UFL1: variants seen among roughly 807,000 people sequenced by gnomAD.
UFL1 encodes the protein UFM1 specific ligase 1.
In UFL1, 78 loss-of-function variants were observed where a neutral mutation model predicts 99.3. That is an observed-to-expected ratio of 0.79 (90% CI 0.65 to 0.95). The LOEUF (loss-of-function observed/expected upper bound fraction) is 0.95. Among genes scored for constraint, UFL1 ranks in the 40% least tolerant of loss-of-function variants. The probability of loss-of-function intolerance (pLI) is 0.00; values close to 1 mark genes in which losing one functional copy is unlikely to be tolerated. For missense variants in UFL1, 936 were observed against 937.0 expected, an observed-to-expected ratio of 1.00 and a Z score of 0.01; for synonymous variants, 335 against 322.2, an observed-to-expected ratio of 1.04 and a Z score of -0.42.
chr6:96,540,443 A>G (rs1351492736), intron 10 of UFL1, 92 bp from the exon 11 acceptor site: 2 of 1,442,852 alleles, frequency 1.4e-6, no homozygotes, highest in African/African-American at 2.9e-5. Context: ...CAACAAAACC[A>G]AACAAGAATA....
Position 96,542,995 on chromosome 6 carries a change from G to T in UFL1, c.1381G>T (p.Glu461Ter). ...AAGAAAAGATGATGATAGTGATGAT[G>T]AATCTCAATCATCCCACACTGGTAG... is the stretch of plus-strand genomic sequence containing the variant. ...KGRKDDDSDD[E>*]SQSSHTGKKK... The change falls in exon 12 of 19, where the codon GAA becomes TAA. Residue 461 changes from glutamate to a stop codon, truncating the protein, a stop_gained. Coordinates refer to ENST00000369278, the MANE Select transcript of UFL1 (RefSeq NM_015323.5). LOFTEE classifies it high-confidence loss of function. 6.3e-7 allele frequency: 1 copy of T among 1,596,828 alleles called. No individual in the cohort carries two copies. Among genetic ancestry groups the T allele is most frequent in the Non-Finnish European group, 8.5e-7 (1 of 1,171,094 alleles).
intron 6 of UFL1, among the ~76,000 whole-genome samples, chr6:96,533,721 A>C (rs1280696364): frequency 1.3e-5 from 2 of 151,634 alleles, no homozygotes; most frequent in Non-Finnish European, 3.0e-5. Flanking sequence ...CATGTAATTT[A>C]AATTATACCT....
chr6:96,548,566 A>G (rs924492843), intron 13 of UFL1, among the ~76,000 whole-genome samples: 37 of 151,616 alleles, frequency 2.4e-4, no homozygotes, highest in Admixed American at 6.6e-5. Flanking sequence ...TTGGGGAGAA[A>G]AAGACCGGCA....
chr6:96,545,622 A>AAACT (rs1176694368), intron 12 of UFL1, among the ~76,000 whole-genome samples: 5 of 151,120 alleles, frequency 3.3e-5, no homozygotes, highest in South Asian at 2.1e-4. Context: ...AAAGGAGGAA[A>AAACT]AACTGCCCGG....
chr6:96,526,991 A>G (rs1769713090), intron 5 of UFL1, among the ~76,000 whole-genome samples: 1 of 152,178 alleles, frequency 6.6e-6, no homozygotes, highest in African/African-American at 2.4e-5. Context: ...ATCCTCTTCT[A>G]AACAGTCAGT....
chr6:96,527,400 C>T (rs1769719600), intron 5 of UFL1, among the ~76,000 whole-genome samples: 1 of 152,020 alleles, frequency 6.6e-6, no homozygotes, highest in Admixed American at 6.5e-5. Context: ...TTTATATTTA[C>T]TGAAACAAGG....
At chr6:96,545,572 T>G (rs1769987399) in intron 12 of UFL1, among the ~76,000 whole-genome samples, 1 of 151,088 alleles carries the variant, frequency 6.6e-6, no homozygotes, top group South Asian at 2.1e-4. Context: ...TTATTTAGAT[T>G]ATAAGGATTA....
At chr6:96,541,272 A>G (rs1769927474) in intron 11 of UFL1, among the ~76,000 whole-genome samples, 1 of 151,416 alleles carries the variant, frequency 6.6e-6, no homozygotes, top group Non-Finnish European at 1.5e-5. Context: ...ACCACTTGAT[A>G]TATTTTAGGT....
chr6:96,546,337 C>T (rs1769997835), intron 12 of UFL1, among the ~76,000 whole-genome samples: 1 of 147,238 alleles, frequency 6.8e-6, no homozygotes, highest in Non-Finnish European at 1.5e-5. Flanking sequence ...ACAAAGGTAA[C>T]TACAAAACAC....
intron 7 of UFL1, 61 bp from the exon 8 acceptor site, chr6:96,536,183 T>C: frequency 6.9e-7 from 1 of 1,448,516 alleles, no homozygotes; most frequent in Non-Finnish European, 9.4e-7. Flanking sequence ...AATAAAGTAT[T>C]TTACTTTTTA....
intron 14 of UFL1, 30 bp from the exon 15 acceptor site, chr6:96,549,635 AAATT>A: frequency 1.9e-6 from 3 of 1,591,902 alleles, no homozygotes; most frequent in Non-Finnish European, 2.6e-6. Context: ...TTTGGGGAAT[AAATT>A]AGTTTTAATA....
chr6:96,522,222 T>C (rs1769625413), intron 1 of UFL1, among the ~76,000 whole-genome samples: 1 of 152,040 alleles, frequency 6.6e-6, no homozygotes, highest in Non-Finnish European at 1.5e-5. Context: ...GCCGGTGATT[T>C]CGAGCTGCCT....
chr6:96,533,015 G>C (rs928596936), intron 6 of UFL1, among the ~76,000 whole-genome samples: 1 of 152,066 alleles, frequency 6.6e-6, no homozygotes, highest in African/African-American at 2.4e-5. Context: ...GTTTGAAGTA[G>C]AAAATATTTA....
intron 10 of UFL1, among the ~76,000 whole-genome samples, chr6:96,539,863 T>C (rs560441998): frequency 6.6e-6 from 1 of 151,646 alleles, no homozygotes; most frequent in African/African-American, 2.4e-5. Flanking sequence ...GATTCTGTCA[T>C]GTGAACTGTC....
chr6:96,543,533 A>G (rs1769959369), intron 12 of UFL1, among the ~76,000 whole-genome samples: 1 of 151,232 alleles, frequency 6.6e-6, no homozygotes, highest in South Asian at 2.1e-4. Context: ...ATAAAATTGG[A>G]ATCAAGCATA....
chr6:96,540,371 T>C (rs1582442336), intron 10 of UFL1, among the ~76,000 whole-genome samples, 164 bp from the exon 11 acceptor site: 1 of 151,522 alleles, frequency 6.6e-6, no homozygotes, highest in Non-Finnish European at 1.5e-5. Flanking sequence ...AGACCTATTT[T>C]GGGCAAGGAG....
intron 6 of UFL1, among the ~76,000 whole-genome samples, chr6:96,529,663 C>T (rs751642068): frequency 7.2e-5 from 11 of 152,176 alleles, no homozygotes; most frequent in Non-Finnish European, 1.6e-4. Flanking sequence ...CTTTCACTAT[C>T]CTTTAAAGTT....
chr6:96,551,281 C>G (rs1770075849), intron 15 of UFL1, 152 bp from the exon 16 acceptor site: 1 of 517,460 alleles, frequency 1.9e-6, no homozygotes, highest in African/African-American at 2.0e-5. Context: ...GCTATTGACT[C>G]TAATAATGTT....
At chr6:96,525,432 T>C (rs779867682) in intron 4 of UFL1, 38 bp downstream of exon 4, 11 of 1,483,690 alleles carry the variant, frequency 7.4e-6, no homozygotes, top group Non-Finnish European at 1.0e-5. Context: ...AGCACTTTGT[T>C]TATTTTCTTT....
Sources: allele counts gnomAD v4.1 joint callset (sites outside exome capture counted in the v4.1 genomes callset), GRCh38; gene constraint gnomAD v4.1.1; transcripts MANE v1.5; gene names NCBI Gene and HGNC (gene_info 2026-07-23, HGNC 2026-07-21).